Variants in KSR1 observed in about 807,000 individuals in gnomAD.
KSR1 encodes the protein kinase suppressor of ras 1.
KSR1 carries 35 observed loss-of-function variants against 92.9 expected under a neutral mutation model. That is an observed-to-expected ratio of 0.38 (90% CI 0.29 to 0.50). KSR1 has a LOEUF of 0.50. KSR1 is among the 20% of genes least tolerant of loss of function. The pLI is 0.94. For missense variants in KSR1, 972 were observed against 1,158.5 expected (o/e 0.84, Z 2.34); for synonymous variants, 467 against 472.6 (o/e 0.99, Z 0.15).
intron 18 of KSR1, among the ~76,000 whole-genome samples, chr17:27,611,887 A>T (rs954657042): frequency 6.6e-6 from 1 of 151,988 alleles, no homozygotes; most frequent in Admixed American, 6.5e-5. Flanking sequence ...TTTCTTAAAG[A>T]TAATGGTTTT....
intron 1 of KSR1, among the ~76,000 whole-genome samples, chr17:27,503,101 T>TA (rs1333629498): frequency 3.2e-4 from 48 of 152,328 alleles, no homozygotes; most frequent in African/African-American, 1.1e-3. Context: ...AACTGTCTCT[T>TA]AAGAGAGTTC....
intron 20 of KSR1, 59 bp from the exon 21 acceptor site, chr17:27,623,255 A>G: frequency 1.4e-6 from 1 of 734,156 alleles, no homozygotes; most frequent in Non-Finnish European, 2.5e-6. Flanking sequence ...AGCTAGTGTT[A>G]CCCTAATTCT....
chr17:27,617,184 C>T, intron 18 of KSR1, 111 bp from the exon 19 acceptor site: 1 of 1,225,766 alleles, frequency 8.2e-7, no homozygotes, highest in South Asian at 2.1e-5. Context: ...AGGGGGCCGC[C>T]AGTTAGAGGG....
chr17:27,601,864 G>T, intron 11 of KSR1: 1 of 1,577,956 alleles, frequency 6.3e-7, no homozygotes, highest in Non-Finnish European at 8.6e-7. Context: ...CTCTTAGTGG[G>T]CTTCACCCTT....
chr17:27,477,297 C>T (rs1393224035), intron 1 of KSR1, among the ~76,000 whole-genome samples: 1 of 152,162 alleles, frequency 6.6e-6, no homozygotes, highest in Non-Finnish European at 1.5e-5. Context: ...GGGAATGCAG[C>T]CTGTTAGCTC....
At chr17:27,508,709 T>TTTTATTTATTTATTTATTTATTTA (rs60879548) in intron 1 of KSR1, among the ~76,000 whole-genome samples, 1 of 138,272 alleles carries the variant, frequency 7.2e-6, no homozygotes, top group East Asian at 2.1e-4. Context: ...CCTGAATTTT[T>TTTTATTTATTTATTTATTTATTTA]TTTATTTATT....
chr17:27,493,100 T>C (rs146580266), intron 1 of KSR1, among the ~76,000 whole-genome samples: 4 of 152,314 alleles, frequency 2.6e-5, no homozygotes, highest in African/African-American at 7.2e-5. Context: ...GATGATCATT[T>C]ATGGAGCAAT....
chr17:27,589,512 C>T (rs548165900), intron 6 of KSR1, among the ~76,000 whole-genome samples: 44 of 152,314 alleles, frequency 2.9e-4, no homozygotes, highest in African/African-American at 1.0e-3. Context: ...CACTAAGAAT[C>T]CTGGACCTGC....
chr17:27,607,784 G>T (rs2073801087), intron 14 of KSR1, 130 bp from the exon 15 acceptor site: 2 of 675,628 alleles, frequency 3.0e-6, no homozygotes, highest in Admixed American at 2.5e-5. Context: ...AGAAGATTTG[G>T]CTCACAGTCG....
At chr17:27,589,812 A>G (rs2073101132) in intron 6 of KSR1, among the ~76,000 whole-genome samples, 1 of 152,136 alleles carries the variant, frequency 6.6e-6, no homozygotes, top group African/African-American at 2.4e-5. Context: ...AAATACACTG[A>G]TACGTTGAAA....
intron 4 of KSR1, among the ~76,000 whole-genome samples, chr17:27,584,765 G>A (rs925584930): frequency 6.6e-6 from 1 of 152,154 alleles, no homozygotes; most frequent in African/African-American, 2.4e-5. Context: ...CGCTGTTCTG[G>A]TGACCCCTGA....
At position 27,623,693 on chromosome 17, in the gene KSR1, G is replaced by A; in HGVS notation, c.*301G>A. The A allele has an allele frequency of 1.7e-6, 1 of 582,580 alleles. No individual in the cohort carries two copies. The highest frequency in any genetic ancestry group is 3.0e-6 in the Non-Finnish European group (1 of 334,360). 36.1% of individuals were successfully genotyped at this position (582,580 alleles called of 1,614,324 possible). ...GGTAATAATAAAAACAGTCTGTGCA[G>A]ATGCACTGGCACTGACGGCCAGGAT... On this transcript the variant is annotated 3_prime_UTR_variant, in exon 21 of 21. Transcript: ENST00000644974.
At chr17:27,566,087 G>C (rs909331857) in intron 2 of KSR1, among the ~76,000 whole-genome samples, 26 of 152,156 alleles carry the variant, frequency 1.7e-4, no homozygotes, top group Admixed American at 6.5e-4. Context: ...TTCATGTGGG[G>C]GTGGGGGTTC....
chr17:27,601,863 G>T (rs764410011), intron 11 of KSR1: 2 of 1,574,098 alleles, frequency 1.3e-6, no homozygotes, highest in East Asian at 4.5e-5. Flanking sequence ...TCTCTTAGTG[G>T]GCTTCACCCT....
intron 10 of KSR1, among the ~76,000 whole-genome samples, chr17:27,598,890 G>T (rs1368681562): frequency 6.6e-6 from 1 of 152,028 alleles, no homozygotes; most frequent in Non-Finnish European, 1.5e-5. Flanking sequence ...CGGCTGGCCC[G>T]GTGGTTCAGC....
intron 1 of KSR1, among the ~76,000 whole-genome samples, chr17:27,470,715 A>G (rs1009042678): frequency 1.3e-5 from 2 of 152,094 alleles, no homozygotes; most frequent in African/African-American, 4.8e-5. Context: ...TGTTTTAAAA[A>G]TTGTACTCCT....
At chr17:27,615,176 G>T (rs923879295) in intron 18 of KSR1, among the ~76,000 whole-genome samples, 3 of 152,198 alleles carry the variant, frequency 2.0e-5, no homozygotes, top group African/African-American at 7.2e-5. Flanking sequence ...TTTCACTCTG[G>T]CACTCCGTTA....
chr17:27,560,491 T>C (rs370330831), intron 2 of KSR1: 3 of 518,858 alleles, frequency 5.8e-6, no homozygotes, highest in Non-Finnish European at 1.2e-5. Context: ...TGACTGGACA[T>C]GTTTCTCTTT....
At chr17:27,591,787 C>T (rs575457443) in intron 7 of KSR1, among the ~76,000 whole-genome samples, 4 of 152,104 alleles carry the variant, frequency 2.6e-5, no homozygotes, top group Non-Finnish European at 4.4e-5. Flanking sequence ...GGCTGTCCTG[C>T]GGTGCAGTAT....
Sources: allele counts gnomAD v4.1 joint callset (sites outside exome capture counted in the v4.1 genomes callset), GRCh38; gene constraint gnomAD v4.1.1; transcripts MANE v1.5; gene names NCBI Gene and HGNC (gene_info 2026-07-23, HGNC 2026-07-21).